Variants in TMEM200C observed in about 807,000 individuals in gnomAD.
TMEM200C encodes transmembrane protein TTMA.
For synonymous variants in TMEM200C, 462 were observed against 324.7 expected (o/e 1.42, Z -4.55); for missense variants, 966 against 699.9 (o/e 1.38, Z -4.29).
At chr18:5,890,037 A>G (rs1347519936) in exon 3 of TMEM200C, 13 of 594,782 alleles carry the variant, frequency 2.2e-5, no homozygotes, top group Non-Finnish European at 3.3e-5. Context: ...TATCTACAGG[A>G]ATCTTGTGGA....
chr18:5,887,700 C>T (rs1432631510), exon 3 of TMEM200C: 4 of 152,148 alleles, frequency 2.6e-5, no homozygotes, highest in South Asian at 2.1e-4. Flanking sequence ...GTACCAAGCT[C>T]CTACAATAGT....
chr18:5,892,829 A>C (rs1287601163), intron 2 of TMEM200C, among the ~76,000 whole-genome samples: 2 of 152,226 alleles, frequency 1.3e-5, no homozygotes, highest in Non-Finnish European at 2.9e-5. Flanking sequence ...TACTCTGACA[A>C]TAAATCCCTT....
In TMEM200C at chr18:5,891,657, G is replaced by T; in HGVS notation, c.407C>A (p.Pro136Gln). 1.2e-6 allele frequency: 2 copies of T among 1,613,808 alleles called. No homozygotes were observed. The highest frequency in any genetic ancestry group is 2.2e-5 in the South Asian group (2 of 91,076). ...GGAGGACGGGGAGGCGGCTCGTGCT[G>T]GAGGCGTGCTCCTGGGCGCGCCCGC... The change falls in exon 3 of 3, where the codon CCA (proline) becomes CAA (glutamine). Residue 136 changes from proline (P) to glutamine (Q), a missense_variant. By Grantham distance (76) the Pro-to-Gln change is moderately conservative. Coordinates refer to ENST00000581347, the Ensembl canonical transcript of TMEM200C. The surrounding 1 kb of genome is among the most constrained non-coding windows in gnomAD (Gnocchi z 4.7).
exon 3 of TMEM200C, chr18:5,888,029 T>C (rs2095166710): frequency 6.6e-6 from 1 of 152,226 alleles, no homozygotes; most frequent in East Asian, 1.9e-4. Context: ...TCACTTAGCA[T>C]TTGATAAATG....
chr18:5,892,359 G>A (rs2095172180), intron 2 of TMEM200C, among the ~76,000 whole-genome samples: 1 of 152,132 alleles, frequency 6.6e-6, no homozygotes, highest in Non-Finnish European at 1.5e-5. Flanking sequence ...CAACTAATAG[G>A]TGGTTATAAA....
At chr18:5,893,488 C>T (rs940636432) in intron 2 of TMEM200C, among the ~76,000 whole-genome samples, 3 of 152,208 alleles carry the variant, frequency 2.0e-5, no homozygotes, top group African/African-American at 2.4e-5. Context: ...CAGAGTAGAA[C>T]ATTTTCTGTC....
chr18:5,888,008 T>A (rs2095166691), exon 3 of TMEM200C: 1 of 152,232 alleles, frequency 6.6e-6, no homozygotes, highest in South Asian at 2.1e-4. Flanking sequence ...AGCTTTATTA[T>A]TTGCTAAATG....
chr18:5,884,842 G>C (rs2095164214), exon 3 of TMEM200C: 1 of 151,710 alleles, frequency 6.6e-6, no homozygotes, highest in Non-Finnish European at 1.5e-5. Flanking sequence ...TAGACATATA[G>C]ACATAGTTTA....
At chr18:5,883,515 A>C (rs2095163217) in exon 3 of TMEM200C, 1 of 152,110 alleles carries the variant, frequency 6.6e-6, no homozygotes, top group South Asian at 2.1e-4. Context: ...CAATACTCAT[A>C]CACATTTGCG....
At chr18:5,890,514 G>T in exon 3 of TMEM200C, 1 of 1,522,192 alleles carries the variant, frequency 6.6e-7, no homozygotes, top group South Asian at 1.4e-5. Context: ...CCGCCTGGTG[G>T]GGGGCGAGCC....
intron 2 of TMEM200C, among the ~76,000 whole-genome samples, chr18:5,892,509 A>G (rs1014641926): frequency 2.0e-5 from 3 of 152,094 alleles, no homozygotes; most frequent in African/African-American, 7.2e-5. Flanking sequence ...CATTAGTAAA[A>G]CCTAAATGTA....
At chr18:5,882,612 C>T (rs1252180699) in exon 3 of TMEM200C, 1 of 152,120 alleles carries the variant, frequency 6.6e-6, no homozygotes. Context: ...AGTCAATTTA[C>T]TCTCTATTTG....
chr18:5,892,853 C>G (rs1468929675), intron 2 of TMEM200C, among the ~76,000 whole-genome samples: 1 of 152,178 alleles, frequency 6.6e-6, no homozygotes, highest in East Asian at 1.9e-4. Context: ...AAAGTTGTCT[C>G]CCACCTATGC....
chr18:5,894,605 C>T (rs1374121332), intron 2 of TMEM200C, among the ~76,000 whole-genome samples: 3 of 152,220 alleles, frequency 2.0e-5, no homozygotes, highest in East Asian at 1.9e-4. Context: ...TCAAGTTCTC[C>T]GCTCAAGATG....
chr18:5,895,399 G>A (rs1386689267), exon 2 of TMEM200C: 1 of 151,094 alleles, frequency 6.6e-6, no homozygotes, highest in Non-Finnish European at 1.5e-5. Flanking sequence ...CGCCTCTTTT[G>A]TGTGGCTGCG....
At chr18:5,890,341 G>A (rs776492929) in exon 3 of TMEM200C, 1 of 1,603,534 alleles carries the variant, frequency 6.2e-7, no homozygotes, top group Non-Finnish European at 8.5e-7. Flanking sequence ...GCACCCTCCG[G>A]CGAGCTCTGC....
At chr18:5,888,358 T>C (rs2144440335) in exon 3 of TMEM200C, 1 of 152,334 alleles carries the variant, frequency 6.6e-6, no homozygotes, top group East Asian at 1.9e-4. Flanking sequence ...GCAGATCCAA[T>C]CTGAGAATAA....
exon 3 of TMEM200C, chr18:5,890,231 C>T: frequency 6.4e-7 from 1 of 1,573,486 alleles, no homozygotes; most frequent in Non-Finnish European, 8.7e-7. Context: ...CTTCTTCTAC[C>T]CCTATGGCAT....
chr18:5,893,420 C>G (rs773862405), intron 2 of TMEM200C, among the ~76,000 whole-genome samples: 1 of 152,210 alleles, frequency 6.6e-6, no homozygotes, highest in African/African-American at 2.4e-5. Flanking sequence ...GGAAAATTCA[C>G]AAATGCATAT....
Sources: allele counts gnomAD v4.1 joint callset (sites outside exome capture counted in the v4.1 genomes callset), GRCh38; gene constraint gnomAD v4.1.1; non-coding constraint Gnocchi (gnomAD v3.1); transcripts MANE v1.5; gene names NCBI Gene and HGNC (gene_info 2026-07-23, HGNC 2026-07-21).